Variants in MAPKAPK2 observed in about 807,000 individuals in gnomAD.
The protein encoded by MAPKAPK2 is MAP kinase-activated protein kinase 2.
In MAPKAPK2, 9 loss-of-function variants were observed where a neutral mutation model predicts 48.8. The ratio of observed to expected loss-of-function variants is 0.18; its 90% CI spans 0.11 to 0.32. MAPKAPK2 has a LOEUF of 0.32. MAPKAPK2 is among the 10% of genes least tolerant of loss of function. The pLI, the probability that MAPKAPK2 is intolerant of heterozygous loss-of-function variation, is 1.00. For synonymous variants in MAPKAPK2, 202 were observed against 190.6 expected (o/e 1.06, Z -0.49); for missense variants, 331 against 498.3 (o/e 0.66, Z 3.20).
At chr1:206,718,941 C>G (rs1425189811) in intron 1 of MAPKAPK2, among the ~76,000 whole-genome samples, 1 of 152,188 alleles carries the variant, frequency 6.6e-6, no homozygotes, top group Non-Finnish European at 1.5e-5. Flanking sequence ...CTCCCCAGAT[C>G]TTTGCATAAA....
intron 1 of MAPKAPK2, among the ~76,000 whole-genome samples, chr1:206,709,924 A>G (rs1299251019): frequency 6.6e-6 from 1 of 152,166 alleles, no homozygotes; most frequent in African/African-American, 2.4e-5. Flanking sequence ...GACATTGCCA[A>G]ACGTCCCCTG....
chr1:206,706,790 A>G (rs1251929584), intron 1 of MAPKAPK2, among the ~76,000 whole-genome samples: 3 of 152,212 alleles, frequency 2.0e-5, no homozygotes, highest in Non-Finnish European at 4.4e-5. Context: ...AAGTGGCTTC[A>G]GATGTGCTCT....
chr1:206,707,728 C>T (rs1673011114), intron 1 of MAPKAPK2, among the ~76,000 whole-genome samples: 1 of 152,160 alleles, frequency 6.6e-6, no homozygotes, highest in African/African-American at 2.4e-5. Context: ...GGGGGTAGGG[C>T]ATGGGGCTCC....
At chr1:206,708,356 A>C (rs1673030008) in intron 1 of MAPKAPK2, among the ~76,000 whole-genome samples, 1 of 152,136 alleles carries the variant, frequency 6.6e-6, no homozygotes, top group African/African-American at 2.4e-5. Flanking sequence ...ATTATGAAAC[A>C]TTTCAGATGT....
Position 206,731,636 on chromosome 1 carries a change from A to C in MAPKAPK2, c.893-4A>C. 1 of 1,612,692 alleles carries C rather than the reference A, an allele frequency of 6.2e-7. No homozygotes were observed. The highest frequency in any genetic ancestry group is 8.5e-7 in the Non-Finnish European group (1 of 1,178,764). ...CTGTCACTGCCCCCTGTCCCACCCC[A>C]CAGTGAAGATGCTCATTCGGAATCT... is the stretch of plus-strand genomic sequence containing the variant. On this transcript the variant is annotated splice_polypyrimidine_tract_variant and splice_region_variant and intron_variant, in intron 7 of 9. Transcript: ENST00000367103. The surrounding 1 kb of genome is among the most constrained non-coding windows in gnomAD (Gnocchi z 5.9).
intron 1 of MAPKAPK2, among the ~76,000 whole-genome samples, chr1:206,716,793 A>G (rs4548444): frequency 0.2 from 30,902 of 151,716 alleles, 3,318 homozygotes; most frequent in Middle Eastern, 0.32. Flanking sequence ...TGGATTTTTT[A>G]AAGTAGATAC....
chr1:206,730,636 G>A (rs1472782615), intron 5 of MAPKAPK2, 52 bp from the exon 6 acceptor site: 1 of 1,458,582 alleles, frequency 6.9e-7, no homozygotes, highest in Non-Finnish European at 9.6e-7. Context: ...GAAACTGAGT[G>A]GATCACAGGG....
chr1:206,692,858 G>A (rs12756861), intron 1 of MAPKAPK2, among the ~76,000 whole-genome samples: 28,636 of 152,152 alleles, frequency 0.19, 3,006 homozygotes, highest in Middle Eastern at 0.31. Context: ...GGCCAGAGGC[G>A]GAAGCTAGTG....
At position 206,733,390 on chromosome 1, in the gene MAPKAPK2, G is replaced by C. The variant is rs1277237486; in HGVS notation, c.*672G>C. 2 of 152,398 alleles carry C rather than the reference G, an allele frequency of 1.3e-5. No homozygotes were observed. The allele number at this position is 152,398 out of a possible 1,614,324, so 9.4% of individuals were successfully genotyped here. ...GGCAGGCAGGGCTGCAGAGGGAGAC[G>C]GCCCTGCTGGGGCTTAGGAACCTTC... is the stretch of plus-strand genomic sequence containing the variant. On this transcript the variant is annotated 3_prime_UTR_variant, in exon 10 of 10. Coordinates refer to ENST00000367103, the MANE Select transcript of MAPKAPK2 (RefSeq NM_032960.4).
intron 1 of MAPKAPK2, among the ~76,000 whole-genome samples, chr1:206,722,863 T>C (rs1553431403): frequency 6.6e-6 from 1 of 152,222 alleles, no homozygotes. Context: ...ATCCTCCATG[T>C]GGTGCAGCAG....
chr1:206,713,342 T>G (rs1673219962), intron 1 of MAPKAPK2, among the ~76,000 whole-genome samples: 1 of 152,160 alleles, frequency 6.6e-6, no homozygotes, highest in Non-Finnish European at 1.5e-5. Flanking sequence ...CTGGCTTGCC[T>G]GAGGTCAGGA....
chr1:206,687,756 T>C (rs1278587110), intron 1 of MAPKAPK2, among the ~76,000 whole-genome samples: 1 of 152,144 alleles, frequency 6.6e-6, no homozygotes, highest in Non-Finnish European at 1.5e-5. Flanking sequence ...AGAAGTCTAG[T>C]GATTATAAAG....
intron 1 of MAPKAPK2, among the ~76,000 whole-genome samples, chr1:206,718,429 G>T (rs1279748795): frequency 2.0e-5 from 3 of 151,866 alleles, no homozygotes; most frequent in African/African-American, 7.3e-5. Context: ...CTACTTGGGA[G>T]GCTGAGGCAG....
At chr1:206,693,116 C>T (rs923459176) in intron 1 of MAPKAPK2, among the ~76,000 whole-genome samples, 24 of 152,202 alleles carry the variant, frequency 1.6e-4, no homozygotes, top group African/African-American at 5.5e-4. Context: ...TCGAGTTGTT[C>T]GTTTGCTGCC....
At chr1:206,692,239 T>C (rs138762189) in intron 1 of MAPKAPK2, among the ~76,000 whole-genome samples, 82 of 152,330 alleles carry the variant, frequency 5.4e-4, no homozygotes, top group African/African-American at 1.8e-3. Flanking sequence ...GAGTGCCTTC[T>C]AATTCACCAA....
In MAPKAPK2 at chr1:206,731,456, G is replaced by A. The variant is rs1367045134; in HGVS notation, c.893-184G>A. 8.5e-7 allele frequency: 1 copy of A among 1,172,896 alleles called. No homozygotes were observed. The allele number at this position is 1,172,896 out of a possible 1,614,324, so 72.7% of individuals were successfully genotyped here. ...TGTGGAGGGCTGGAGGCAGGGCCAAGGCTGTGGGGCTGTGCAGGGCCTCTC... is the reference window on the plus strand; with the variant it reads ...TGTGGAGGGCTGGAGGCAGGGCCAAAGCTGTGGGGCTGTGCAGGGCCTCTC... On this transcript the variant is annotated intron_variant, in intron 7 of 9. Coordinates refer to ENST00000367103, the MANE Select transcript of MAPKAPK2 (RefSeq NM_032960.4). This position sits in a 1 kb window ranked among gnomAD's most constrained non-coding sequence, Gnocchi z 5.9.
intron 1 of MAPKAPK2, among the ~76,000 whole-genome samples, chr1:206,688,677 G>A (rs782751339): frequency 6.6e-6 from 1 of 151,790 alleles, no homozygotes; most frequent in Non-Finnish European, 1.5e-5. Context: ...TTGCTCTGTC[G>A]CCCAGGTTAG....
chr1:206,730,064 T>G lies in MAPKAPK2; in HGVS notation c.657T>G (p.Ser219=), dbSNP rs782496138. ...CCAAGGAAACCACCAGCCACAACTC[T>G]TTGACCACTCCTTGTTATACACCGT... The part of the protein sequence containing the change: ...GFAKETTSHN[S]LTTPCYTPYY... Residue 219 remains serine (S), a synonymous_variant, in exon 5 of 10, where the codon TCT becomes TCG. Transcript: ENST00000367103. 2 of 1,614,276 alleles carry G rather than the reference T, an allele frequency of 1.2e-6. No individual in the cohort carries two copies. Among genetic ancestry groups the G allele is most frequent in the African/African-American group, 1.3e-5 (1 of 75,074 alleles).
Position 206,732,358 on chromosome 1 carries a change from C to G in MAPKAPK2, c.1060-217C>G. On this transcript the variant is annotated intron_variant, in intron 9 of 9. Transcript: ENST00000367103. This position sits in a 1 kb window ranked among gnomAD's most constrained non-coding sequence, Gnocchi z 4.4. ...TCACTGGGGGGCTCTCAGGGAACAGCAGCAGTGCCATAGCCAGGCTCTCTG... is the reference window on the plus strand; with the variant it reads ...TCACTGGGGGGCTCTCAGGGAACAGGAGCAGTGCCATAGCCAGGCTCTCTG... 6.9e-7 allele frequency: 1 copy of G among 1,445,616 alleles called. No individual in the cohort carries two copies. The highest frequency in any genetic ancestry group is 9.1e-7 in the Non-Finnish European group (1 of 1,102,224). 89.5% of individuals were successfully genotyped at this position (1,445,616 alleles called of 1,614,324 possible). A position where few individuals can be genotyped will look rare whatever the true frequency, so the allele number is the denominator to read the frequency against.
Sources: allele counts gnomAD v4.1 joint callset (sites outside exome capture counted in the v4.1 genomes callset), GRCh38; gene constraint gnomAD v4.1.1; non-coding constraint Gnocchi (gnomAD v3.1); transcripts MANE v1.5; gene names NCBI Gene and HGNC (gene_info 2026-07-23, HGNC 2026-07-21).